RIC8B: variants seen among roughly 807,000 people sequenced by gnomAD.
RIC8B encodes the protein chaperone Ric-8B.
In RIC8B, 16 loss-of-function variants were observed where a neutral mutation model predicts 57.5. That is an observed-to-expected ratio of 0.28 (90% CI 0.19 to 0.42). RIC8B has a LOEUF of 0.42. Ranked by LOEUF, RIC8B falls within the 10% of genes least tolerant of loss-of-function variation. The pLI, the probability that RIC8B is intolerant of heterozygous loss-of-function variation, is 1.00. For synonymous variants in RIC8B, 216 were observed against 250.8 expected (o/e 0.86, Z 1.31); for missense variants, 481 against 677.0 (o/e 0.71, Z 3.21).
At chr12:106,856,699 C>T (rs1254276218) in intron 7 of RIC8B, among the ~76,000 whole-genome samples, 1 of 152,206 alleles carries the variant, frequency 6.6e-6, no homozygotes, top group Non-Finnish European at 1.5e-5. Flanking sequence ...ACATTCTAGA[C>T]ACTGAGTTTC....
At chr12:106,797,861 G>T in intron 2 of RIC8B, 2 of 436,234 alleles carry the variant, frequency 4.6e-6, no homozygotes, top group Admixed American at 4.2e-5. Flanking sequence ...GCCATGATTC[G>T]AGCTTAGGCA....
chr12:106,870,918 T>C lies in RIC8B; in HGVS notation c.1547T>C (p.Val516Ala). 1 of 1,549,972 alleles carries C rather than the reference T, an allele frequency of 6.5e-7. No homozygotes were observed. The highest frequency in any genetic ancestry group is 2.4e-5 in the East Asian group (1 of 40,896). The change falls in exon 9 of 10, where the codon GTC (valine) becomes GCC (alanine). Residue 516 changes from valine to alanine, a missense_variant. Physicochemically the swap from Val to Ala is moderately conservative, Grantham distance 64. This residue lies in a region of RIC8B where 43 missense variants were observed against 99.8 expected (regional missense o/e 0.43). Coordinates refer to ENST00000392837, the MANE Select transcript of RIC8B (RefSeq NM_001330145.2). Reference sequence around the variant, plus strand: ...AAAGAATATGAAGCCATGAAACTTGTCAACATGCTTGATAAACTTTCCAGG... The same window carrying C: ...AAAGAATATGAAGCCATGAAACTTGCCAACATGCTTGATAAACTTTCCAGG... ...EQKEYEAMKL[V>A]NMLDKLSREE...
chr12:106,839,685 A>C (rs1593268504), intron 4 of RIC8B, among the ~76,000 whole-genome samples: 1 of 152,344 alleles, frequency 6.6e-6, no homozygotes, highest in South Asian at 2.1e-4. Flanking sequence ...GTCTTACGTT[A>C]AGTGCTCTTA....
At chr12:106,866,517 G>A (rs1444983910) in intron 8 of RIC8B, among the ~76,000 whole-genome samples, 2 of 151,910 alleles carry the variant, frequency 1.3e-5, no homozygotes, top group East Asian at 1.9e-4. Flanking sequence ...TTTCCCACCC[G>A]CCTGTCCCCT....
At chr12:106,854,169 T>C (rs776818451) in intron 7 of RIC8B, among the ~76,000 whole-genome samples, 17 of 152,128 alleles carry the variant, frequency 1.1e-4, no homozygotes, top group Non-Finnish European at 2.4e-4. Flanking sequence ...ATGTTCCATG[T>C]TTTCAAGAGA....
intron 8 of RIC8B, among the ~76,000 whole-genome samples, chr12:106,865,017 G>A (rs555140671): frequency 1.2e-4 from 19 of 152,268 alleles, no homozygotes; most frequent in Non-Finnish European, 2.2e-4. Context: ...TTCCATGTGT[G>A]TATATACATT....
rs183725820 is a variant in RIC8B, at chr12:106,825,794, T to G, written c.810T>G (p.Thr270=). ...LRHCLLIVGP[T]EDKTEELHSN... The stretch of plus-strand genomic sequence containing the variant: ...ATTGTTTACTAATCGTAGGTCCAAC[T>G]GAAGACAAAACAGAAGAGCTACACA... Residue 270 remains threonine, a synonymous_variant, in exon 4 of 10, where the codon ACT becomes ACG. Transcript: ENST00000392837. 1,453 of 1,613,328 alleles carry G rather than the reference T, an allele frequency of 9.0e-4. 26 individuals carry two copies. The East Asian group carries it at 0.03, about 33-fold the overall frequency.
chr12:106,775,401 C>T (rs2043418312), intron 1 of RIC8B: 1 of 455,888 alleles, frequency 2.2e-6, no homozygotes, highest in South Asian at 1.5e-5. Flanking sequence ...TGAAATCACG[C>T]CCAAGGTCAT....
chr12:106,873,036 A>T (rs1246761673), intron 9 of RIC8B: 1 of 985,330 alleles, frequency 1.0e-6, no homozygotes, highest in Non-Finnish European at 1.2e-6. Context: ...TCTCAGGGGA[A>T]TCCACATATT....
chr12:106,803,537 G>C (rs1566057940), intron 2 of RIC8B, among the ~76,000 whole-genome samples: 1 of 152,160 alleles, frequency 6.6e-6, no homozygotes, highest in Non-Finnish European at 1.5e-5. Context: ...GTACTGGAAA[G>C]TTATTGCATT....
At chr12:106,788,581 A>G (rs112964447) in intron 2 of RIC8B, among the ~76,000 whole-genome samples, 53 of 152,280 alleles carry the variant, frequency 3.5e-4, no homozygotes, top group African/African-American at 1.0e-3. Context: ...CCAAACCTCA[A>G]TTCTTGACTT....
At chr12:106,874,407 G>A (rs1167900012) in intron 9 of RIC8B, 1 of 1,134,272 alleles carries the variant, frequency 8.8e-7, no homozygotes, top group Non-Finnish European at 1.3e-6. Context: ...TGAAAGGCAT[G>A]TGAGTAAAGG....
intron 8 of RIC8B, among the ~76,000 whole-genome samples, chr12:106,866,582 C>T (rs1364862743): frequency 2.0e-5 from 3 of 152,222 alleles, no homozygotes; most frequent in East Asian, 1.9e-4. Context: ...TGATCCCTTT[C>T]GTAGGGGTTG....
chr12:106,874,331 G>T (rs1048828657), intron 9 of RIC8B: 4 of 656,028 alleles, frequency 6.1e-6, no homozygotes, highest in Non-Finnish European at 1.1e-5. Context: ...TGCTAAGAGT[G>T]TACCATAGCT....
At chr12:106,853,742 C>G (rs1046528267) in intron 7 of RIC8B, among the ~76,000 whole-genome samples, 11 of 152,004 alleles carry the variant, frequency 7.2e-5, no homozygotes, top group African/African-American at 2.4e-4. Flanking sequence ...GCTGGTATTA[C>G]AGGCATGAGC....
At chr12:106,865,270 ATT>A (rs1290227920) in intron 8 of RIC8B, among the ~76,000 whole-genome samples, 1 of 151,970 alleles carries the variant, frequency 6.6e-6, no homozygotes, top group Non-Finnish European at 1.5e-5. Flanking sequence ...AACACTTATT[ATT>A]TTCTGGGGTT....
chr12:106,845,028 T>G (rs1949122839), intron 6 of RIC8B, among the ~76,000 whole-genome samples: 1 of 152,216 alleles, frequency 6.6e-6, no homozygotes, highest in South Asian at 2.1e-4. Context: ...TTTTTCCCAC[T>G]GTTCTTCACT....
intron 2 of RIC8B, among the ~76,000 whole-genome samples, chr12:106,811,160 C>T (rs1282808695): frequency 6.6e-6 from 1 of 152,230 alleles, no homozygotes; most frequent in African/African-American, 2.4e-5. Context: ...ATTCCTGTCC[C>T]TGCCACCCTT....
At chr12:106,849,300 T>C (rs960040850) in intron 6 of RIC8B, among the ~76,000 whole-genome samples, 2 of 149,440 alleles carry the variant, frequency 1.3e-5, no homozygotes, top group African/African-American at 4.9e-5. Context: ...TATTTATTTA[T>C]TTATTTATTT....
Sources: allele counts gnomAD v4.1 joint callset (sites outside exome capture counted in the v4.1 genomes callset), GRCh38; gene constraint gnomAD v4.1.1; regional missense constraint gnomAD v4.1.1; transcripts MANE v1.5; gene names NCBI Gene and HGNC (gene_info 2026-07-23, HGNC 2026-07-21).